The following ATF7IP2 variants were observed in gnomAD, a reference collection of about 807,000 sequenced individuals.
The protein encoded by ATF7IP2 is activating transcription factor 7-interacting protein 2.
A neutral mutation model predicts 64.2 loss-of-function variants in ATF7IP2; 42 were observed. The ratio of observed to expected loss-of-function variants is 0.65; its 90% CI spans 0.51 to 0.85. The LOEUF (loss-of-function observed/expected upper bound fraction) is 0.85. Ranked by LOEUF, ATF7IP2 falls within the 40% of genes least tolerant of loss-of-function variation. The pLI, the probability that ATF7IP2 is intolerant of heterozygous loss-of-function variation, is 0.00. For synonymous variants in ATF7IP2, 308 were observed against 272.8 expected (o/e 1.13, Z -1.27); for missense variants, 933 against 784.2 (o/e 1.19, Z -2.27).
intron 8 of ATF7IP2, among the ~76,000 whole-genome samples, chr16:10,453,627 AT>A (rs1344712852): frequency 6.6e-6 from 1 of 151,970 alleles, no homozygotes; most frequent in East Asian, 1.9e-4. Flanking sequence ...TTGTTTATTT[AT>A]TTTTTTGAGA....
In ATF7IP2 at chr16:10,482,014, G is replaced by A. The variant is rs1378390344; in HGVS notation, c.1814G>A (p.Cys605Tyr). The A allele has an allele frequency of 6.2e-7, 1 of 1,613,968 alleles. No homozygotes were observed. Among genetic ancestry groups the A allele is most frequent in the African/African-American group, 1.3e-5 (1 of 75,018 alleles). Reference sequence around the variant, plus strand: ...AATATAACCAAAATCAATCCCAAGTGTGCTCCTGTAGAAAGCTACCACCTC... The same window carrying A: ...AATATAACCAAAATCAATCCCAAGTATGCTCCTGTAGAAAGCTACCACCTC... ...TWNITKINPK[C>Y]APVESYHLFL... The change falls in exon 14 of 14, where the codon TGT becomes TAT. Residue 605 changes from cysteine to tyrosine, a missense_variant. Coordinates refer to ENST00000562102, the MANE Select transcript of ATF7IP2 (RefSeq NM_001393719.1).
intron 8 of ATF7IP2, among the ~76,000 whole-genome samples, chr16:10,455,653 C>A (rs967172830): frequency 2.6e-5 from 4 of 152,014 alleles, no homozygotes; most frequent in African/African-American, 9.7e-5. Flanking sequence ...TTATAAAAAG[C>A]CTAGATTACC....
At chr16:10,441,953 A>G (rs1243379077) in intron 8 of ATF7IP2, among the ~76,000 whole-genome samples, 3 of 152,252 alleles carry the variant, frequency 2.0e-5, no homozygotes, top group African/African-American at 7.2e-5. Context: ...TGCATCAGTC[A>G]TGATCGCAAA....
At chr16:10,467,573 A>AT (rs112151440) in intron 9 of ATF7IP2, among the ~76,000 whole-genome samples, 16,666 of 144,590 alleles carry the variant, frequency 0.12, 1,117 homozygotes, top group Middle Eastern at 0.22. Context: ...AGAAAAATCA[A>AT]TTTTTTTTTT....
intron 9 of ATF7IP2, among the ~76,000 whole-genome samples, chr16:10,466,611 T>C (rs1596598154): frequency 6.6e-6 from 1 of 152,216 alleles, no homozygotes; most frequent in Admixed American, 6.5e-5. Flanking sequence ...CTTCTAATAA[T>C]GAAAATTAAG....
At chr16:10,480,280 C>T (rs559537823) in intron 12 of ATF7IP2, among the ~76,000 whole-genome samples, 67 of 152,014 alleles carry the variant, frequency 4.4e-4, no homozygotes, top group African/African-American at 1.5e-3. Flanking sequence ...CACAGCCTCC[C>T]CAGTTGTTTT....
chr16:10,403,933 G>A (rs560701872), intron 1 of ATF7IP2, among the ~76,000 whole-genome samples: 101 of 152,164 alleles, frequency 6.6e-4, no homozygotes, highest in Non-Finnish European at 5.9e-4. Flanking sequence ...TGAAACATAC[G>A]AGACTACATA....
In ATF7IP2 at chr16:10,473,470, T is replaced by G; in HGVS notation, c.1427-9T>G. ...GTAATAAATTTGTCAAATGTCTAAT[T>G]TCTTTCAGATACCAGAAAAATTACA... On this transcript the variant is annotated splice_polypyrimidine_tract_variant and intron_variant, in intron 10 of 13. Coordinates refer to ENST00000562102, the MANE Select transcript of ATF7IP2 (RefSeq NM_001393719.1). 1 of 1,533,636 alleles carries G rather than the reference T, an allele frequency of 6.5e-7. No individual in the cohort carries two copies. The highest frequency in any genetic ancestry group is 9.0e-7 in the Non-Finnish European group (1 of 1,112,580).
chr16:10,411,857 T>A (rs2047766580), intron 1 of ATF7IP2, among the ~76,000 whole-genome samples: 1 of 151,684 alleles, frequency 6.6e-6, no homozygotes, highest in Admixed American at 6.6e-5. Context: ...TATATTTCTG[T>A]GGTGTCAGTT....
intron 12 of ATF7IP2, among the ~76,000 whole-genome samples, chr16:10,479,386 T>C (rs899239509): frequency 6.6e-6 from 1 of 152,046 alleles, no homozygotes; most frequent in African/African-American, 2.4e-5. Context: ...TCATACTCAG[T>C]AAACTATCGC....
intron 1 of ATF7IP2, among the ~76,000 whole-genome samples, chr16:10,402,068 T>A (rs1166345357): frequency 1.3e-5 from 2 of 152,176 alleles, no homozygotes; most frequent in Non-Finnish European, 2.9e-5. Context: ...TTTTGTTTTA[T>A]TGATACTTCT....
rs1234488154 is a variant in ATF7IP2, at chr16:10,482,830, A to ATGTC, written c.*582_*585dup. 6.6e-6 allele frequency: 1 copy of ATGTC among 152,036 alleles called. No homozygotes were observed. The highest frequency in any genetic ancestry group is 1.5e-5 in the Non-Finnish European group (1 of 68,042). 9.4% of individuals were successfully genotyped at this position (152,036 alleles called of 1,614,324 possible). A position where few individuals can be genotyped will look rare whatever the true frequency, so the allele number is the denominator to read the frequency against. On this transcript the variant is annotated 3_prime_UTR_variant, in exon 14 of 14. Coordinates refer to ENST00000562102, the MANE Select transcript of ATF7IP2 (RefSeq NM_001393719.1). ...TCTCCCTGGTTCAAGCAATTCTCCT[A>ATGTC]TGTCAGCCTCCCAAGTAGCTGGGAC...
intron 9 of ATF7IP2, among the ~76,000 whole-genome samples, chr16:10,459,198 G>T (rs879546484): frequency 1.3e-5 from 2 of 152,140 alleles, no homozygotes; most frequent in Non-Finnish European, 2.9e-5. Context: ...GCCCGGTGCG[G>T]TGGCTCACGC....
intron 1 of ATF7IP2, among the ~76,000 whole-genome samples, chr16:10,392,093 C>T (rs191351921): frequency 9.0e-4 from 95 of 105,638 alleles, no homozygotes; most frequent in Admixed American, 4.2e-3. Context: ...TCACTCTTTT[C>T]CCCAGGCTGG....
At chr16:10,405,945 T>G (rs1441947788) in intron 1 of ATF7IP2, among the ~76,000 whole-genome samples, 1 of 152,090 alleles carries the variant, frequency 6.6e-6, no homozygotes, top group Non-Finnish European at 1.5e-5. Context: ...ACAAACTAGC[T>G]GGGTGTGGTG....
intron 9 of ATF7IP2, among the ~76,000 whole-genome samples, chr16:10,470,136 TTTTG>T (rs916381353): frequency 9.2e-5 from 14 of 152,118 alleles, no homozygotes; most frequent in African/African-American, 3.4e-4. Flanking sequence ...TAGAAAATAT[TTTTG>T]TTTCTTTATA....
chr16:10,437,868 A>T (rs1339625211), intron 6 of ATF7IP2, among the ~76,000 whole-genome samples: 1 of 152,228 alleles, frequency 6.6e-6, no homozygotes, highest in Non-Finnish European at 1.5e-5. Flanking sequence ...GCATTATGAG[A>T]ATAAATTTAA....
chr16:10,452,078 C>T (rs1165905938), intron 8 of ATF7IP2, among the ~76,000 whole-genome samples: 2 of 152,030 alleles, frequency 1.3e-5, no homozygotes, highest in Non-Finnish European at 2.9e-5. Context: ...TCCTTTAGCT[C>T]ATTGGAGTTT....
chr16:10,388,186 C>T (rs752590994), intron 1 of ATF7IP2, among the ~76,000 whole-genome samples: 4 of 152,156 alleles, frequency 2.6e-5, no homozygotes, highest in African/African-American at 9.7e-5. Context: ...TCTTAGCGCC[C>T]GGCCTATCTC....
Sources: allele counts gnomAD v4.1 joint callset (sites outside exome capture counted in the v4.1 genomes callset), GRCh38; gene constraint gnomAD v4.1.1; transcripts MANE v1.5; gene names NCBI Gene and HGNC (gene_info 2026-07-23, HGNC 2026-07-21).